The following LRBA variants were observed in gnomAD, a reference collection of about 807,000 sequenced individuals.
LRBA encodes LPS responsive beige-like anchor protein, also known as lipopolysaccharide-responsive and beige-like anchor protein.
Under a neutral mutation model 330.0 loss-of-function variants are expected in LRBA, and 176 were observed. That is an observed-to-expected ratio of 0.53 (90% CI 0.47 to 0.60). The LOEUF (loss-of-function observed/expected upper bound fraction) is 0.60. LRBA is among the 20% of genes least tolerant of loss of function. The pLI is 0.00. For missense variants in LRBA, 3,259 were observed against 3,444.8 expected, an observed-to-expected ratio of 0.95 and a Z score of 1.35; for synonymous variants, 1,230 against 1,193.0, an observed-to-expected ratio of 1.03 and a Z score of -0.64.
chr4:150,993,319 TA>T (rs1462317287), intron 2 of LRBA, among the ~76,000 whole-genome samples: 2 of 151,996 alleles, frequency 1.3e-5, no homozygotes, highest in African/African-American at 4.8e-5. Context: ...ACTTAAAGAA[TA>T]AAAAATAAAT....
At chr4:150,533,316 T>C (rs1764249180) in intron 40 of LRBA, among the ~76,000 whole-genome samples, 1 of 151,966 alleles carries the variant, frequency 6.6e-6, no homozygotes, top group Non-Finnish European at 1.5e-5. Flanking sequence ...AGGTAACTAG[T>C]CACATGTCAC....
chr4:150,697,325 GAAAAAAAA>G lies in LRBA; in HGVS notation c.5755-13616_5755-13609del, dbSNP rs60145657. ...GGTGACAGAGTGAGACTTTGTCTCAGAAAAAAAAAAAAAAAAAAAAAAAAAACAGGGAG... is the reference window on the plus strand; with the variant it reads ...GGTGACAGAGTGAGACTTTGTCTCAGAAAAAAAAAAAAAAAAAACAGGGAG... On this transcript the variant is annotated intron_variant, in intron 36 of 56. Transcript: ENST00000651943. Among the ~76,000 whole-genome samples, 48 of 28,054 alleles carry G rather than the reference GAAAAAAAA, an allele frequency of 1.7e-3. 1 individual carries two copies. The highest frequency in any genetic ancestry group is 0.013 in the South Asian group (4 of 302). 18.4% of individuals were successfully genotyped at this position (28,054 alleles called of 152,430 possible). A position where few individuals can be genotyped will look rare whatever the true frequency, so the allele number is the denominator to read the frequency against.
intron 33 of LRBA, among the ~76,000 whole-genome samples, chr4:150,803,661 T>G (rs547203573): frequency 6.6e-6 from 1 of 152,270 alleles, no homozygotes; most frequent in East Asian, 1.9e-4. Flanking sequence ...AAATCCTTTC[T>G]GTTTTACAGT....
chr4:150,872,912 G>A (rs1753602853), intron 17 of LRBA, among the ~76,000 whole-genome samples, 157 bp from the exon 18 acceptor site: 1 of 152,004 alleles, frequency 6.6e-6, no homozygotes, highest in Admixed American at 6.6e-5. Context: ...GCTTATCTCA[G>A]GCTAGAGTTC....
At chr4:150,916,296 C>T (rs1200262724) in intron 7 of LRBA, 105 bp downstream of exon 7, 18 of 1,137,028 alleles carry the variant, frequency 1.6e-5, no homozygotes, top group South Asian at 5.1e-5. Context: ...ACAGTAAAAA[C>T]GAAGTTGTGC....
chr4:150,768,264 A>G (rs1196533268), intron 34 of LRBA, among the ~76,000 whole-genome samples: 1 of 152,090 alleles, frequency 6.6e-6, no homozygotes, highest in Non-Finnish European at 1.5e-5. Flanking sequence ...ACTCTACACA[A>G]CAAAGTAGAG....
intron 2 of LRBA, among the ~76,000 whole-genome samples, chr4:151,005,551 T>C (rs1743951847): frequency 7.1e-6 from 1 of 141,816 alleles, no homozygotes; most frequent in Non-Finnish European, 1.5e-5. Flanking sequence ...TTGAAAATAA[T>C]GACACTGTTC....
chr4:151,010,164 T>C (rs1490631416), intron 2 of LRBA, among the ~76,000 whole-genome samples: 1 of 152,146 alleles, frequency 6.6e-6, no homozygotes, highest in Non-Finnish European at 1.5e-5. Context: ...AAGGGGTGAC[T>C]GTAATTACTT....
chr4:150,711,604 T>G (rs1464629619), intron 36 of LRBA, among the ~76,000 whole-genome samples: 1 of 152,194 alleles, frequency 6.6e-6, no homozygotes, highest in East Asian at 1.9e-4. Flanking sequence ...TTGTCAGGTA[T>G]GTCAAAGCAA....
intron 26 of LRBA, among the ~76,000 whole-genome samples, chr4:150,848,028 T>A (rs1750083388): frequency 6.6e-6 from 1 of 152,280 alleles, no homozygotes; most frequent in Non-Finnish European, 1.5e-5. Flanking sequence ...ACCCTTTTTT[T>A]TTTTGAGACA....
intron 41 of LRBA, among the ~76,000 whole-genome samples, chr4:150,489,144 A>AATATATAAGACTATATAATATATT (rs1462563954): frequency 5.4e-5 from 6 of 110,484 alleles, no homozygotes; most frequent in East Asian, 4.9e-4. Context: ...TATAATATAT[A>AATATATAAGACTATATAATATATT]ATATATCAGA....
rs1333732783 is a variant in LRBA at position 150,487,624 on chromosome 4, AG to A, written c.6551+107del. Reference sequence around the variant, plus strand: ...ACAGAAAGTTATAAATTTCAAAATAAGTGAGAACATTAATACAGATTAATGT... The same window carrying A: ...ACAGAAAGTTATAAATTTCAAAATAATGAGAACATTAATACAGATTAATGT... On this transcript the variant is annotated intron_variant, in intron 42 of 56. Coordinates refer to ENST00000651943, the MANE Select transcript of LRBA (RefSeq NM_001364905.1). 2.9e-5 allele frequency: 15 copies of A among 508,858 alleles called. No individual in the cohort carries two copies. The South Asian group carries it at 5.7e-4, about 19-fold the overall frequency. 31.5% of individuals were successfully genotyped at this position (508,858 alleles called of 1,614,324 possible). A position where few individuals can be genotyped will look rare whatever the true frequency, so the allele number is the denominator to read the frequency against.
chr4:150,435,541 C>A, intron 46 of LRBA, 48 bp downstream of exon 46: 2 of 1,551,862 alleles, frequency 1.3e-6, no homozygotes, highest in Non-Finnish European at 8.7e-7. Context: ...ATTCACTCAA[C>A]AAGTAATGCA....
At chr4:150,357,765 T>C (rs1335261860) in intron 47 of LRBA, among the ~76,000 whole-genome samples, 2 of 151,904 alleles carry the variant, frequency 1.3e-5, no homozygotes, top group Non-Finnish European at 2.9e-5. Flanking sequence ...AAATAATTCA[T>C]AGAGCTTACA....
intron 56 of LRBA, among the ~76,000 whole-genome samples, chr4:150,271,927 G>A (rs1187609161): frequency 6.6e-6 from 1 of 152,158 alleles, no homozygotes; most frequent in African/African-American, 2.4e-5. Context: ...GCAGCTGTGG[G>A]TGCAGCTTCA....
At chr4:150,741,914 C>T (rs553268829) in intron 35 of LRBA, among the ~76,000 whole-genome samples, 3 of 152,032 alleles carry the variant, frequency 2.0e-5, no homozygotes, top group South Asian at 2.1e-4. Context: ...ATAATGGCCA[C>T]GGAGTTCTAA....
chr4:150,915,950 T>C (rs1032538787), intron 7 of LRBA, among the ~76,000 whole-genome samples: 11 of 152,142 alleles, frequency 7.2e-5, no homozygotes, highest in Non-Finnish European at 7.4e-5. Context: ...CTTTTTATTA[T>C]GGAAATTTTC....
At chr4:150,606,184 G>T (rs535170028) in intron 37 of LRBA, among the ~76,000 whole-genome samples, 1 of 152,128 alleles carries the variant, frequency 6.6e-6, no homozygotes, top group South Asian at 2.1e-4. Context: ...CCTGTCTGTT[G>T]TTAGCCAGTT....
intron 38 of LRBA, among the ~76,000 whole-genome samples, chr4:150,598,469 T>G (rs898217053): frequency 6.6e-6 from 1 of 152,220 alleles, no homozygotes; most frequent in African/African-American, 2.4e-5. Context: ...TAGGAACGTA[T>G]GAAAATAATG....
Sources: gnomAD v4.1 joint callset for allele counts (sites outside exome capture counted in the v4.1 genomes callset) on GRCh38, gnomAD v4.1.1 for gene constraint, MANE v1.5 for transcripts, NCBI Gene and HGNC (gene_info 2026-07-23, HGNC 2026-07-21) for gene names.